The following DNAH3 variants were observed in gnomAD, a reference collection of about 807,000 sequenced individuals.
DNAH3 encodes the protein axonemal beta dynein heavy chain 3.
A neutral mutation model predicts 432.5 loss-of-function variants in DNAH3; 332 were observed. The ratio of observed to expected loss-of-function variants is 0.77; its 90% CI spans 0.70 to 0.84. The LOEUF is 0.84. DNAH3 is among the 40% of genes least tolerant of loss of function. DNAH3 has a pLI of 0.00. For missense variants in DNAH3, 4,861 were observed against 5,114.0 expected, an observed-to-expected ratio of 0.95 and a Z score of 1.51; for synonymous variants, 1,956 against 1,900.2, an observed-to-expected ratio of 1.03 and a Z score of -0.76.
At chr16:21,124,071 C>A (rs1428180435) in intron 9 of DNAH3, among the ~76,000 whole-genome samples, 1 of 152,140 alleles carries the variant, frequency 6.6e-6, no homozygotes, top group Non-Finnish European at 1.5e-5. Flanking sequence ...GGATTACAGG[C>A]GTGAGCCACC....
intron 54 of DNAH3, among the ~76,000 whole-genome samples, chr16:20,955,531 C>G (rs190747294): frequency 4.0e-5 from 6 of 151,888 alleles, no homozygotes; most frequent in Middle Eastern, 3.4e-3. Flanking sequence ...AACTCCAGGG[C>G]TCAAGTGATC....
intron 37 of DNAH3, among the ~76,000 whole-genome samples, chr16:21,029,242 A>G (rs567713713): frequency 2.1e-4 from 32 of 152,352 alleles, no homozygotes; most frequent in African/African-American, 7.0e-4. Context: ...TGCACATGCT[A>G]TAATTAGTGG....
chr16:21,010,529 A>G (rs2087542067), intron 41 of DNAH3, among the ~76,000 whole-genome samples: 1 of 152,236 alleles, frequency 6.6e-6, no homozygotes, highest in Non-Finnish European at 1.5e-5. Context: ...CAACATTGAC[A>G]GAATCCCACA....
At chr16:20,994,447 T>C (rs1364719748) in intron 44 of DNAH3, among the ~76,000 whole-genome samples, 1 of 152,036 alleles carries the variant, frequency 6.6e-6, no homozygotes, top group Non-Finnish European at 1.5e-5. Flanking sequence ...ATAAATTAAT[T>C]AATTAAATAA....
chr16:21,087,096 A>G (rs1166888455), intron 18 of DNAH3, 36 bp from the exon 19 acceptor site: 8 of 1,552,984 alleles, frequency 5.2e-6, no homozygotes, highest in Non-Finnish European at 7.1e-6. Context: ...TCAGACCATC[A>G]TGTGGATGTT....
At position 20,980,279 on chromosome 16, in the gene DNAH3, A is replaced by ATATATTATATTATAATATACATCATATAT. The variant is rs527442173; in HGVS notation, c.7860-734_7860-733insATATATGATGTATATTATAATATAATATA. On this transcript the variant is annotated intron_variant, in intron 49 of 61. Coordinates refer to ENST00000261383, the Ensembl canonical transcript of DNAH3. Reference sequence around the variant, plus strand: ...CATATATTATATTATAATATACATCATATATTATAATATACATCATATATT... The same window carrying ATATATTATATTATAATATACATCATATAT: ...CATATATTATATTATAATATACATCATATATTATATTATAATATACATCATATATTATATTATAATATACATCATATATT... 3.0e-3 allele frequency among the ~76,000 whole-genome samples: 411 copies of ATATATTATATTATAATATACATCATATAT among 137,862 alleles called. 4 individuals are homozygous for ATATATTATATTATAATATACATCATATAT. Among genetic ancestry groups the ATATATTATATTATAATATACATCATATAT allele is most frequent in the African/African-American group, 0.011 (398 of 37,356 alleles). The allele number at this position is 137,862 out of a possible 152,430, so 90.4% of individuals were successfully genotyped here. A position where few individuals can be genotyped will look rare whatever the true frequency, so the allele number is the denominator to read the frequency against.
In DNAH3 at chr16:21,042,038, C is replaced by T. The variant is rs201134468; in HGVS notation, c.4627G>A (p.Asp1543Asn). The T allele has an allele frequency of 1.1e-4, 179 of 1,613,806 alleles. No homozygotes were observed. The highest frequency in any genetic ancestry group is 9.8e-4 in the East Asian group (44 of 44,898). ...CTGCTGGCATTTACCTTGAGATTGT[C>T]GGGCAGTTCAGCCCTGCCAGCATAC... Residue 1543 changes from aspartate to asparagine, a missense_variant, in exon 32 of 62, where the codon GAC (aspartate) becomes AAC (asparagine). By Grantham distance (23) the Asp-to-Asn change is conservative. Coordinates refer to ENST00000261383, the Ensembl canonical transcript of DNAH3.
At chr16:21,140,849 G>A in intron 4 of DNAH3, 139 bp from the exon 6 acceptor site, 1 of 691,196 alleles carries the variant, frequency 1.4e-6, no homozygotes, top group East Asian at 2.7e-5. Flanking sequence ...TGGCATGTGT[G>A]TATACTTCCA....
chr16:21,153,946 C>G lies in DNAH3; in HGVS notation c.117+5379G>C, dbSNP rs560996384. 2.6e-5 allele frequency among the ~76,000 whole-genome samples: 4 copies of G among 152,306 alleles called. No individual in the cohort carries two copies. The South Asian group carries it at 8.3e-4, about 32-fold the overall frequency. On this transcript the variant is annotated intron_variant, in intron 1 of 61. Coordinates refer to ENST00000261383, the Ensembl canonical transcript of DNAH3. The stretch of plus-strand genomic sequence containing the variant: ...CCATCTCTTATATTATGCTCTTTAT[C>G]ACAAAGTATACATACGGTTTCAAAT...
At chr16:20,980,287 T>C (rs2085824273) in intron 49 of DNAH3, among the ~76,000 whole-genome samples, 1 of 124,318 alleles carries the variant, frequency 8.0e-6, no homozygotes, top group Admixed American at 8.2e-5. Context: ...TCATATATTA[T>C]AATATACATC....
Position 21,049,755 on chromosome 16 carries a change from C to T in DNAH3, c.4348-73G>A, listed in dbSNP as rs545694060. On this transcript the variant is annotated intron_variant, in intron 30 of 61. Transcript: ENST00000261383. ...ATCTGAATTACCCCGCACCATTCAA[C>T]AGCAGTGGGCTCCTCTCTCCTTGCT... 134 of 1,425,292 alleles carry T rather than the reference C, an allele frequency of 9.4e-5. No individual in the cohort carries two copies. In the African/African-American group the frequency reaches 1.6e-3, roughly 17 times the overall value. The allele number at this position is 1,425,292 out of a possible 1,614,324, so 88.3% of individuals were successfully genotyped here.
At chr16:20,982,165 C>T (rs911098100) in intron 49 of DNAH3, among the ~76,000 whole-genome samples, 2 of 151,970 alleles carry the variant, frequency 1.3e-5, no homozygotes, top group South Asian at 2.1e-4. Flanking sequence ...GGGCAGATTA[C>T]GTGAGGTCAG....
In DNAH3 at chr16:21,003,018, C is replaced by G. The variant is rs879535503; in HGVS notation, c.6126+86G>C. On this transcript the variant is annotated intron_variant, in intron 42 of 61. Coordinates refer to ENST00000261383, the Ensembl canonical transcript of DNAH3. ...TCTAAAGAAAGCCCTTAAAACTCCT[C>G]GCAAAGACTGTTAATTCTTCCACCT... is the stretch of plus-strand genomic sequence containing the variant. The G allele has an allele frequency of 5.4e-6, 5 of 933,284 alleles. No homozygotes were observed. The South Asian group carries it at 7.1e-5, about 13-fold the overall frequency. 57.8% of individuals were successfully genotyped at this position (933,284 alleles called of 1,614,324 possible). A position where few individuals can be genotyped will look rare whatever the true frequency, so the allele number is the denominator to read the frequency against.
At chr16:21,107,495 C>G (rs1463069181) in intron 14 of DNAH3, among the ~76,000 whole-genome samples, 1 of 152,054 alleles carries the variant, frequency 6.6e-6, no homozygotes, top group Non-Finnish European at 1.5e-5. Flanking sequence ...CTGCCTTGGC[C>G]TCCTAAAGTG....
At chr16:21,008,540 C>A (rs552636202) in intron 41 of DNAH3, among the ~76,000 whole-genome samples, 1 of 152,288 alleles carries the variant, frequency 6.6e-6, no homozygotes, top group African/African-American at 2.4e-5. Context: ...CATGTCCCCA[C>A]GCAGCATAGG....
chr16:21,087,902 T>C (rs571042369), intron 18 of DNAH3, among the ~76,000 whole-genome samples: 1 of 152,152 alleles, frequency 6.6e-6, no homozygotes, highest in African/African-American at 2.4e-5. Context: ...TGTCAAAAAA[T>C]ATATGTATTT....
intron 51 of DNAH3, among the ~76,000 whole-genome samples, chr16:20,970,931 T>C (rs1220950740): frequency 6.7e-6 from 1 of 149,636 alleles, no homozygotes; most frequent in East Asian, 2.0e-4. Context: ...GCAGCGGTGC[T>C]ATCTCGGCTC....
intron 40 of DNAH3, among the ~76,000 whole-genome samples, chr16:21,020,557 C>G (rs974632149): frequency 6.7e-6 from 1 of 149,546 alleles, no homozygotes; most frequent in African/African-American, 2.5e-5. Flanking sequence ...CACCCGCCAC[C>G]TCACCCTGCT....
At chr16:20,988,046 C>T in exon 45 of DNAH3, 1 of 1,614,108 alleles carries the variant, frequency 6.2e-7, no homozygotes, top group African/African-American at 1.3e-5. Context: ...AAATGATATT[C>T]AGATGGCGAG....
Sources: allele counts gnomAD v4.1 joint callset (sites outside exome capture counted in the v4.1 genomes callset), GRCh38; gene constraint gnomAD v4.1.1; transcripts MANE v1.5; gene names NCBI Gene and HGNC (gene_info 2026-07-23, HGNC 2026-07-21).